Variants in PTPRQ observed in about 807,000 individuals in gnomAD.
PTPRQ encodes the protein phosphatidylinositol phosphatase PTPRQ.
Under a neutral mutation model 246.0 loss-of-function variants are expected in PTPRQ, and 199 were observed. That is an observed-to-expected ratio of 0.81 (90% CI 0.72 to 0.91). The LOEUF (loss-of-function observed/expected upper bound fraction) is 0.91, where lower values mean the gene tolerates loss of function less well. Ranked by LOEUF, PTPRQ falls within the 40% of genes least tolerant of loss-of-function variation. PTPRQ has a pLI of 0.00. For synonymous variants in PTPRQ, 869 were observed against 853.2 expected, an observed-to-expected ratio of 1.02 and a Z score of -0.32; for missense variants, 2,624 against 2,528.4, an observed-to-expected ratio of 1.04 and a Z score of -0.81.
intron 3 of PTPRQ, among the ~76,000 whole-genome samples, chr12:80,452,470 T>C (rs1214481846): frequency 6.6e-6 from 1 of 152,236 alleles, no homozygotes; most frequent in African/African-American, 2.4e-5. Flanking sequence ...TTGATGGTCT[T>C]TACAATTTGG....
chr12:80,616,216 G>A lies in PTPRQ; in HGVS notation c.5180G>A (p.Ser1727Asn). ...TTGTTTTAGGTTTACGCAGTCAATAGTGCTGGTGCAGGTCCAAAGGTTCCG... is the reference window on the plus strand; with the variant it reads ...TTGTTTTAGGTTTACGCAGTCAATAATGCTGGTGCAGGTCCAAAGGTTCCG... ...TYNISVYAVN[S>N]AGAGPKVPMR... is the part of the protein sequence containing the mutation. Residue 1727 changes from serine (S) to asparagine (N), a missense_variant, in exon 30 of 45, where the codon AGT (serine) becomes AAT (asparagine). Coordinates refer to ENST00000644991, the MANE Select transcript of PTPRQ (RefSeq NM_001145026.2). 1 of 1,490,418 alleles carries A rather than the reference G, an allele frequency of 6.7e-7. No individual in the cohort carries two copies. Among genetic ancestry groups the A allele is most frequent in the South Asian group, 1.3e-5 (1 of 74,122 alleles). 92.3% of individuals were successfully genotyped at this position (1,490,418 alleles called of 1,614,324 possible).
chr12:80,454,971 A>C (rs1477312955), intron 3 of PTPRQ, among the ~76,000 whole-genome samples: 1 of 152,170 alleles, frequency 6.6e-6, no homozygotes, highest in Non-Finnish European at 1.5e-5. Flanking sequence ...GAGGAGTTCA[A>C]GACCAGCCTG....
intron 36 of PTPRQ, 117 bp downstream of exon 36, chr12:80,649,040 C>T: frequency 1.0e-6 from 1 of 973,004 alleles, no homozygotes. Context: ...AACCTCCAAG[C>T]TGGATATAAA....
chr12:80,645,968 G>T (rs943551591), intron 35 of PTPRQ, among the ~76,000 whole-genome samples: 7 of 152,020 alleles, frequency 4.6e-5, no homozygotes, highest in Admixed American at 4.6e-4. Flanking sequence ...TTGGGATCTC[G>T]AATTGAGAGC....
At chr12:80,654,007 C>G (rs28705332) in intron 38 of PTPRQ, among the ~76,000 whole-genome samples, 2 of 151,236 alleles carry the variant, frequency 1.3e-5, no homozygotes. Context: ...ATTTCTTTTT[C>G]TTTCTTTCTT....
chr12:80,460,723 C>T lies in PTPRQ; in HGVS notation c.731C>T (p.Ser244Leu), dbSNP rs1191475251. Reference protein sequence around the residue: ...SPTLGRVTPPSRTTHSSSTLT... With the variant: ...SPTLGRVTPPLRTTHSSSTLT... ...ACCCTTGGTAGAGTTACACCTCCAT[C>T]GCGTACCACACATTCATCAAGCACG... Residue 244 changes from serine to leucine, a missense_variant, in exon 6 of 45, where the codon TCG becomes TTG. By Grantham distance (145) the Ser-to-Leu change is moderately radical. Transcript: ENST00000644991. 10 of 399,720 alleles carry T rather than the reference C, an allele frequency of 2.5e-5. No individual in the cohort carries two copies. Among genetic ancestry groups the T allele is most frequent in the African/African-American group, 4.1e-5 (2 of 48,662 alleles). The allele number at this position is 399,720 out of a possible 1,614,324, so 24.8% of individuals were successfully genotyped here. A position where few individuals can be genotyped will look rare whatever the true frequency, so the allele number is the denominator to read the frequency against.
chr12:80,629,990 C>T (rs141093001), intron 33 of PTPRQ, among the ~76,000 whole-genome samples: 40 of 152,250 alleles, frequency 2.6e-4, no homozygotes, highest in Non-Finnish European at 3.7e-4. Context: ...AGTCACATAA[C>T]GCATATTCCA....
chr12:80,618,735 T>G (rs951108496), intron 30 of PTPRQ, among the ~76,000 whole-genome samples: 2 of 151,472 alleles, frequency 1.3e-5, no homozygotes, highest in Admixed American at 6.6e-5. Flanking sequence ...ATATATAATA[T>G]AGTCATTAAG....
At chr12:80,623,006 G>A (rs963085551) in intron 33 of PTPRQ, among the ~76,000 whole-genome samples, 4 of 151,996 alleles carry the variant, frequency 2.6e-5, no homozygotes, top group Admixed American at 2.6e-4. Flanking sequence ...GTTTGTGCCA[G>A]GCCCTCAAAA....
At chr12:80,493,542 C>G in intron 10 of PTPRQ, 87 bp downstream of exon 10, 1 of 1,415,780 alleles carries the variant, frequency 7.1e-7, no homozygotes, top group Admixed American at 2.9e-5. Flanking sequence ...AGAGTTCAGC[C>G]ATATTATTAA....
chr12:80,663,823 C>G (rs1227291063), intron 39 of PTPRQ, among the ~76,000 whole-genome samples: 1 of 151,874 alleles, frequency 6.6e-6, no homozygotes, highest in Non-Finnish European at 1.5e-5. Flanking sequence ...TTGCAGATGT[C>G]TCACTATCTG....
chr12:80,541,658 C>T lies in PTPRQ; in HGVS notation c.3258C>T (p.Tyr1086=), dbSNP rs1896157456. 1.3e-6 allele frequency: 2 copies of T among 1,551,106 alleles called. No homozygotes were observed. Among genetic ancestry groups the T allele is most frequent in the African/African-American group, 1.4e-5 (1 of 73,140 alleles). The change falls in exon 21 of 45, where the codon TAC becomes TAT. Residue 1086 remains tyrosine, a synonymous_variant. Transcript: ENST00000644991. The part of the protein sequence containing the change: ...PPAQPNGLVF[Y]YVSLILQQTP... Reference sequence around the variant, plus strand: ...CTCAACCAAACGGTCTAGTCTTCTACTATGTTTCACTGATCTTACAGCAGA... The same window carrying T: ...CTCAACCAAACGGTCTAGTCTTCTATTATGTTTCACTGATCTTACAGCAGA...
chr12:80,483,947 C>G lies in PTPRQ; in HGVS notation c.1187-486C>G, dbSNP rs183635596. On this transcript the variant is annotated intron_variant, in intron 8 of 44. Coordinates refer to ENST00000644991, the MANE Select transcript of PTPRQ (RefSeq NM_001145026.2). ...TTTTTAAGACTTATTTAATTTTTAA[C>G]AAAATAAATTGTTTTTGTCTATTTT... 2.1e-3 allele frequency among the ~76,000 whole-genome samples: 315 copies of G among 151,954 alleles called. 3 individuals carry two copies. The highest frequency in any genetic ancestry group is 7.1e-3 in the African/African-American group (294 of 41,452).
chr12:80,468,334 C>A (rs1432439537), intron 6 of PTPRQ, among the ~76,000 whole-genome samples: 1 of 152,062 alleles, frequency 6.6e-6, no homozygotes, highest in East Asian at 1.9e-4. Flanking sequence ...GTTTATCAAG[C>A]CAGATATCCA....
In PTPRQ at chr12:80,620,369, C is replaced by G; in HGVS notation, c.5605C>G (p.Gln1869Glu). 1 of 1,548,804 alleles carries G rather than the reference C, an allele frequency of 6.5e-7. No individual in the cohort carries two copies. The highest frequency in any genetic ancestry group is 8.7e-7 in the Non-Finnish European group (1 of 1,145,126). The change falls in exon 32 of 45, where the codon CAA becomes GAA. Residue 1869 changes from glutamine (Q) to glutamate (E), a missense_variant. Physicochemically the swap from Gln to Glu is conservative, Grantham distance 29. Coordinates refer to ENST00000644991, the MANE Select transcript of PTPRQ (RefSeq NM_001145026.2). ...ICNGPLKPKKQYLFKFRATNI... is the reference protein window; with the variant it reads ...ICNGPLKPKKEYLFKFRATNI... ...CAATGGACCACTGAAACCAAAAAAG[C>G]AATACTTGTAAGTATAGGTTATATC...
At chr12:80,594,809 C>T (rs1392067653) in intron 26 of PTPRQ, among the ~76,000 whole-genome samples, 1 of 152,118 alleles carries the variant, frequency 6.6e-6, no homozygotes, top group Non-Finnish European at 1.5e-5. Context: ...TAAATCCAGA[C>T]TTTTACATTT....
At chr12:80,460,205 G>A (rs1893111285) in intron 5 of PTPRQ, among the ~76,000 whole-genome samples, 1 of 152,058 alleles carries the variant, frequency 6.6e-6, no homozygotes, top group African/African-American at 2.4e-5. Context: ...TTATGATATA[G>A]TTCTAATACA....
At chr12:80,622,289 A>T (rs1021663897) in intron 33 of PTPRQ, among the ~76,000 whole-genome samples, 155 bp downstream of exon 33, 2 of 152,070 alleles carry the variant, frequency 1.3e-5, no homozygotes, top group Admixed American at 6.6e-5. Context: ...GGTTTTTAAA[A>T]TTTTTTCTTT....
chr12:80,653,746 A>C (rs1900331593), intron 38 of PTPRQ, among the ~76,000 whole-genome samples: 2 of 152,312 alleles, frequency 1.3e-5, no homozygotes, highest in East Asian at 1.9e-4. Flanking sequence ...CATGCATAGG[A>C]AGAAACAGAC....
Sources: gnomAD v4.1 joint callset for allele counts (sites outside exome capture counted in the v4.1 genomes callset) on GRCh38, gnomAD v4.1.1 for gene constraint, MANE v1.5 for transcripts, NCBI Gene and HGNC (gene_info 2026-07-23, HGNC 2026-07-21) for gene names.